BMP5: variants seen among roughly 807,000 people sequenced by gnomAD.
BMP5 encodes the protein bone morphogenetic protein 5.
In BMP5, 23 loss-of-function variants were observed where a neutral mutation model predicts 46.6. The observed-to-expected ratio is 0.49, with a 90% confidence interval of 0.35 to 0.70. The LOEUF (loss-of-function observed/expected upper bound fraction) is 0.70. BMP5 is among the 30% of genes least tolerant of loss of function. The pLI, the probability that BMP5 is intolerant of heterozygous loss-of-function variation, is 0.00. For missense variants in BMP5, 545 were observed against 565.6 expected, an observed-to-expected ratio of 0.96 and a Z score of 0.37; for synonymous variants, 204 against 191.9, an observed-to-expected ratio of 1.06 and a Z score of -0.52.
rs545392212 is a variant in BMP5 at position 55,817,010 on chromosome 6, C to T, written c.683+2645G>A. Among the ~76,000 whole-genome samples the T allele has an allele frequency of 5.3e-5, 8 of 152,274 alleles. No homozygotes were observed. In the South Asian group the frequency reaches 1.7e-3, roughly 32 times the overall value. On this transcript the variant is annotated intron_variant, in intron 2 of 6. Transcript: ENST00000370830. ...GACACATGAAAAAAACGCTCATCAT[C>T]ACTGGCCATCAGAGAAATGCAAATC...
intron 2 of BMP5, among the ~76,000 whole-genome samples, chr6:55,814,868 G>C (rs563128919): frequency 6.6e-6 from 1 of 152,144 alleles, no homozygotes; most frequent in African/African-American, 2.4e-5. Flanking sequence ...GGTGGCTCAC[G>C]CCTGTAATCC....
chr6:55,774,711 T>C (rs79050230), intron 3 of BMP5, among the ~76,000 whole-genome samples: 7,701 of 152,000 alleles, frequency 0.051, 655 homozygotes, highest in African/African-American at 0.17. Flanking sequence ...TAATTAGTGG[T>C]GATAGCCTTT....
intron 1 of BMP5, among the ~76,000 whole-genome samples, chr6:55,822,334 T>G (rs1389034934): frequency 6.6e-6 from 1 of 152,150 alleles, no homozygotes; most frequent in South Asian, 2.1e-4. Flanking sequence ...AGAAGTTAAC[T>G]GACATGAAGT....
chr6:55,824,896 A>G (rs1776493989), intron 1 of BMP5, among the ~76,000 whole-genome samples: 1 of 151,918 alleles, frequency 6.6e-6, no homozygotes, highest in African/African-American at 2.4e-5. Flanking sequence ...CATTTATGAC[A>G]CACACGTTTT....
chr6:55,764,509 C>T (rs1016891677), intron 4 of BMP5, among the ~76,000 whole-genome samples: 19 of 149,094 alleles, frequency 1.3e-4, no homozygotes, highest in African/African-American at 4.2e-4. Flanking sequence ...GGAGGCGGAG[C>T]TTGCAGTGAG....
intron 2 of BMP5, among the ~76,000 whole-genome samples, chr6:55,813,735 A>C (rs1216142141): frequency 6.6e-6 from 1 of 151,304 alleles, no homozygotes; most frequent in Non-Finnish European, 1.5e-5. Context: ...TGCAGTGAGC[A>C]GAGATTGCGC....
At chr6:55,765,795 A>T (rs962515801) in intron 4 of BMP5, among the ~76,000 whole-genome samples, 1 of 152,174 alleles carries the variant, frequency 6.6e-6, no homozygotes, top group Non-Finnish European at 1.5e-5. Context: ...GTGACGCAAG[A>T]CACCACAAAA....
chr6:55,769,943 T>C (rs914044589), intron 4 of BMP5, among the ~76,000 whole-genome samples: 1 of 151,872 alleles, frequency 6.6e-6, no homozygotes, highest in East Asian at 1.9e-4. Flanking sequence ...AAATAGTTAA[T>C]AAACCATGCT....
chr6:55,841,916 C>CAGAGAGAGAGAGAGAGAGAG (rs143400522), intron 1 of BMP5, among the ~76,000 whole-genome samples: 29 of 146,926 alleles, frequency 2.0e-4, no homozygotes, highest in African/African-American at 5.8e-4. Context: ...GAGAGAGAGA[C>CAGAGAGAGAGAGAGAGAGAG]AGAGAGAGAG....
At chr6:55,766,939 G>T (rs1266844358) in intron 4 of BMP5, among the ~76,000 whole-genome samples, 3 of 151,752 alleles carry the variant, frequency 2.0e-5, no homozygotes, top group African/African-American at 4.8e-5. Context: ...GTAGTATTTT[G>T]GGCCATATAG....
intron 2 of BMP5, among the ~76,000 whole-genome samples, chr6:55,813,518 G>A (rs1042274120): frequency 1.3e-5 from 2 of 151,366 alleles, no homozygotes; most frequent in African/African-American, 2.4e-5. Context: ...GGCCGGGCGC[G>A]GTGGCTCACA....
At chr6:55,764,522 A>G (rs1321061690) in intron 4 of BMP5, among the ~76,000 whole-genome samples, 1 of 150,196 alleles carries the variant, frequency 6.7e-6, no homozygotes, top group Non-Finnish European at 1.5e-5. Context: ...GCAGTGAGCG[A>G]GATGGTGCCA....
At position 55,785,574 on chromosome 6, in the gene BMP5, A is replaced by G. The variant is rs553711897; in HGVS notation, c.832+8705T>C. Reference sequence around the variant, plus strand: ...GAAAATTAACAAATACTGATTTCAGACCCCAAGGGAAATCTATGTCATATT... The same window carrying G: ...GAAAATTAACAAATACTGATTTCAGGCCCCAAGGGAAATCTATGTCATATT... On this transcript the variant is annotated intron_variant, in intron 3 of 6. Transcript: ENST00000370830. Among the ~76,000 whole-genome samples, 31 of 151,902 alleles carry G rather than the reference A, an allele frequency of 2.0e-4. No individual in the cohort carries two copies. In the Middle Eastern group the frequency reaches 0.01, roughly 50 times the overall value.
chr6:55,818,907 A>T (rs989470532), intron 2 of BMP5, among the ~76,000 whole-genome samples: 2 of 152,162 alleles, frequency 1.3e-5, no homozygotes, highest in African/African-American at 4.8e-5. Flanking sequence ...GATTTCAAAT[A>T]GATTTAGATA....
At chr6:55,830,151 A>AATTATAAAAT in intron 1 of BMP5, among the ~76,000 whole-genome samples, 1 of 152,204 alleles carries the variant, frequency 6.6e-6, no homozygotes, top group African/African-American at 2.4e-5. Context: ...TAAAATGGTG[A>AATTATAAAAT]GTTATATGAA....
intron 2 of BMP5, among the ~76,000 whole-genome samples, chr6:55,811,689 C>T (rs1163222486): frequency 6.6e-6 from 1 of 151,446 alleles, no homozygotes; most frequent in Non-Finnish European, 1.5e-5. Context: ...CTCTTTCTCC[C>T]TCTCTCTCTC....
intron 1 of BMP5, among the ~76,000 whole-genome samples, chr6:55,862,914 T>C (rs774300843): frequency 5.9e-5 from 9 of 152,180 alleles, no homozygotes; most frequent in Non-Finnish European, 2.9e-5. Flanking sequence ...AAAGGGATTT[T>C]TGTTGGTGTT....
At chr6:55,810,074 A>G (rs1175883051) in intron 2 of BMP5, among the ~76,000 whole-genome samples, 1 of 152,152 alleles carries the variant, frequency 6.6e-6, no homozygotes, top group Admixed American at 6.5e-5. Context: ...GGTAAATTCT[A>G]GAGTTTATAA....
At chr6:55,826,900 C>T (rs867135057) in intron 1 of BMP5, among the ~76,000 whole-genome samples, 1 of 151,670 alleles carries the variant, frequency 6.6e-6, no homozygotes, top group South Asian at 2.1e-4. Flanking sequence ...GGTCTTATTA[C>T]TCCTAATATT....
Sources: allele counts gnomAD v4.1 joint callset (sites outside exome capture counted in the v4.1 genomes callset), GRCh38; gene constraint gnomAD v4.1.1; transcripts MANE v1.5; gene names NCBI Gene and HGNC (gene_info 2026-07-23, HGNC 2026-07-21).